The following ITM2A variants were observed in gnomAD, a reference collection of about 807,000 sequenced individuals.
The protein encoded by ITM2A is integral membrane protein 2A, also known as BRICHOS domain containing 2A.
A neutral mutation model predicts 16.6 loss-of-function variants in ITM2A; 11 were observed. The ratio of observed to expected loss-of-function variants is 0.66; its 90% confidence interval spans 0.42 to 1.10. The LOEUF is 1.10. Ranked by LOEUF, ITM2A falls within the 50% of genes least tolerant of loss-of-function variation. The pLI, the probability that ITM2A is intolerant of heterozygous loss-of-function variation, is 0.00. For missense variants in ITM2A, 243 were observed against 206.8 expected (o/e 1.17, Z -1.07); for synonymous variants, 102 against 71.2 (o/e 1.43, Z -2.18).
chrX:79,362,616 G>T lies in ITM2A; in HGVS notation c.517C>A (p.Pro173Thr). The change falls in exon 4 of 6, where the codon CCA becomes ACA. Residue 173 changes from proline (P) to threonine (T), a missense_variant. Pro to Thr is a conservative substitution (Grantham distance 38, BLOSUM62 -1). Transcript: ENST00000373298. ...CCAAAGAGCTCTACCAGATTTTTTG[G>T]AGGCATAACAATAGAAGTATTGAGG... is the stretch of plus-strand genomic sequence containing the variant. Reference protein sequence around the residue: ...MPLNTSIVMPPKNLVELFGKL... With the variant: ...MPLNTSIVMPTKNLVELFGKL... 1.7e-6 allele frequency: 2 copies of T among 1,200,499 alleles called. No individual in the cohort carries two copies. The highest frequency in any genetic ancestry group is 2.2e-6 in the Non-Finnish European group (2 of 889,697).
Position 79,363,451 on chromosome X carries a change from G to C in ITM2A, c.215C>G (p.Ala72Gly), listed in dbSNP as rs35056863. Residue 72 changes from alanine to glycine, a missense_variant, in exon 2 of 6, where the codon GCC becomes GGC. By Grantham distance (60) the Ala-to-Gly change is moderately conservative (BLOSUM62 0). Transcript: ENST00000373298. ...FILAGLIVGG[A>G]CIYKYFMPKS... ...GGGCATGAAGTACTTGTAAATGCAG[G>C]CTCCACCAACAATAAGTCCTGCCAA... 2.6e-6 allele frequency: 3 copies of C among 1,167,926 alleles called. No individual in the cohort carries two copies. The highest frequency in any genetic ancestry group is 2.3e-5 in the Admixed American group (1 of 43,649).
At chrX:79,366,193 A>C in intron 1 of ITM2A, among the ~76,000 whole-genome samples, 1 of 111,713 alleles carries the variant, frequency 9.0e-6, no homozygotes, top group Non-Finnish European at 1.9e-5. Flanking sequence ...ATAGGACTAA[A>C]TAAATAATGG....
rs891679727 is a variant in ITM2A at position 79,360,947 on chromosome X, T to TG, written c.*141_*142insC. On this transcript the variant is annotated 3_prime_UTR_variant, in exon 6 of 6. Coordinates refer to ENST00000373298, the MANE Select transcript of ITM2A (RefSeq NM_004867.5). ...GACAAGAGCTTGCAGTGGTTAGTAG[T>TG]TTTTTTTTTTCCTTTTTTTAAAGCA... 13 of 195,654 alleles carry TG rather than the reference T, an allele frequency of 6.6e-5. No homozygotes were observed. The East Asian group carries it at 7.3e-4, about 11-fold the overall frequency. The allele number at this position is 195,654 out of a possible 1,213,427, so 16.1% of individuals were successfully genotyped here.
intron 3 of ITM2A, 81 bp from the exon 4 acceptor site, chrX:79,362,772 G>C: frequency 1.3e-6 from 1 of 743,130 alleles, no homozygotes; most frequent in Admixed American, 3.0e-5. Context: ...TAGATTAAGC[G>C]GCTACATCCT....
At position 79,367,063 on chromosome X, in the gene ITM2A, T is replaced by G. The variant is rs1487764680; in HGVS notation, c.111+42A>C. ...TTTCTCCTCTGCTACCAGCCTTCTTTCTTTCGCCCACCCCTCCCCCATCCC... is the reference window on the plus strand; with the variant it reads ...TTTCTCCTCTGCTACCAGCCTTCTTGCTTTCGCCCACCCCTCCCCCATCCC... On this transcript the variant is annotated intron_variant, in intron 1 of 5. Transcript: ENST00000373298. The G allele has an allele frequency of 4.2e-6, 4 of 957,119 alleles. No homozygotes were observed. The African/African-American group carries it at 5.8e-5, about 14-fold the overall frequency. The allele number at this position is 957,119 out of a possible 1,213,427, so 78.9% of individuals were successfully genotyped here.
intron 1 of ITM2A, among the ~76,000 whole-genome samples, chrX:79,366,033 A>T (rs1925564306): frequency 8.9e-6 from 1 of 112,312 alleles, no homozygotes; most frequent in African/African-American, 3.2e-5. Context: ...TATATAGAGA[A>T]CAAGACAAGT....
intron 4 of ITM2A, among the ~76,000 whole-genome samples, chrX:79,362,013 A>G (rs1464905288): frequency 1.8e-5 from 2 of 110,307 alleles, no homozygotes; most frequent in Non-Finnish European, 3.8e-5. Context: ...ATGTGTCTTT[A>G]TAATAAAATT....
Position 79,361,073 on chromosome X carries a change from C to G in ITM2A, c.*16G>C. 9.5e-7 allele frequency: 1 copy of G among 1,050,687 alleles called. No homozygotes were observed. The highest frequency in any genetic ancestry group is 2.3e-5 in the Admixed American group (1 of 44,173). The allele number at this position is 1,050,687 out of a possible 1,213,427, so 86.6% of individuals were successfully genotyped here. ...CTCTGACTTCTTATTACCAAGGACACTCTATCTGTTGCCTCTTACTCTTGA... is the reference window on the plus strand; with the variant it reads ...CTCTGACTTCTTATTACCAAGGACAGTCTATCTGTTGCCTCTTACTCTTGA... On this transcript the variant is annotated 3_prime_UTR_variant, in exon 6 of 6. Transcript: ENST00000373298.
intron 1 of ITM2A, 55 bp from the exon 2 acceptor site, chrX:79,363,609 T>G (rs1427428889): frequency 4.3e-6 from 4 of 939,501 alleles, no homozygotes; most frequent in Non-Finnish European, 5.7e-6. Context: ...TTTAGACACA[T>G]AGTTGATTTT....
rs1925495201 is a variant in ITM2A at position 79,363,552 on chromosome X, C to T, written c.114G>A (p.Glu38=). Residue 38 remains glutamate (E), a splice_region_variant and synonymous_variant, in exon 2 of 6, where the codon GAG becomes GAA. Transcript: ENST00000373298. ...CTTTTTCCTGGGTGGCAACTCGGAG[C>T]TCCTATTTATTAAAAAGCAAAACCA... is the stretch of plus-strand genomic sequence containing the variant. ...TVRTQILTGK[E]LRVATQEKEG... 8.6e-7 allele frequency: 1 copy of T among 1,168,893 alleles called. No homozygotes were observed. Among genetic ancestry groups the T allele is most frequent in the African/African-American group, 1.8e-5 (1 of 55,628 alleles).
intron 5 of ITM2A, 75 bp downstream of exon 5, chrX:79,361,254 T>A: frequency 2.7e-6 from 3 of 1,130,194 alleles, no homozygotes; most frequent in South Asian, 3.9e-5. Context: ...TGTTCCCCAC[T>A]TTTTCCTGTA....
chrX:79,362,581 C>A lies in ITM2A; in HGVS notation c.552G>T (p.Ala184=). Residue 184 remains alanine, a splice_region_variant and synonymous_variant, in exon 4 of 6, where the codon GCG becomes GCT. Transcript: ENST00000373298. ...AAAATTTGACTTCCAAAATACATAC[C>A]GCCAGTTTGCCAAAGAGCTCTACCA... ...KNLVELFGKL[A]SGRYLPQTYV... 1 of 1,132,863 alleles carries A rather than the reference C, an allele frequency of 8.8e-7. No homozygotes were observed. Among genetic ancestry groups the A allele is most frequent in the Non-Finnish European group, 1.2e-6 (1 of 836,713 alleles). 93.4% of individuals were successfully genotyped at this position (1,132,863 alleles called of 1,213,427 possible).
At chrX:79,366,683 T>G (rs1925585127) in intron 1 of ITM2A, among the ~76,000 whole-genome samples, 1 of 111,370 alleles carries the variant, frequency 9.0e-6, no homozygotes, top group Non-Finnish European at 1.9e-5. Context: ...AAAGAAATGT[T>G]AAATCTCCCG....
intron 4 of ITM2A, 39 bp from the exon 5 acceptor site, chrX:79,361,518 T>C (rs746673339): frequency 1.7e-6 from 2 of 1,144,112 alleles, no homozygotes; most frequent in Non-Finnish European, 2.4e-6. Flanking sequence ...AGAAATTCTT[T>C]TTCCTTTTTA....
In ITM2A at chrX:79,366,556, C is replaced by T. The variant is rs151281331; in HGVS notation, c.111+549G>A. Among the ~76,000 whole-genome samples, 919 of 111,300 alleles carry T rather than the reference C, an allele frequency of 8.3e-3. 9 individuals carry two copies. The highest frequency in any genetic ancestry group is 0.028 in the African/African-American group (870 of 30,587). On this transcript the variant is annotated intron_variant, in intron 1 of 5. Coordinates refer to ENST00000373298, the MANE Select transcript of ITM2A (RefSeq NM_004867.5). The stretch of plus-strand genomic sequence containing the variant: ...TTCGCGCGCTCAAGCAGACCACTTG[C>T]CCCAACCCATACTGCTTGGAGTTAA...
At position 79,363,456 on chromosome X, in the gene ITM2A, A is replaced by T; in HGVS notation, c.210T>A (p.Gly70=). 1 of 1,173,579 alleles carries T rather than the reference A, an allele frequency of 8.5e-7. No homozygotes were observed. Among genetic ancestry groups the T allele is most frequent in the South Asian group, 1.9e-5 (1 of 51,368 alleles). The change falls in exon 2 of 6, where the codon GGT becomes GGA. Residue 70 remains glycine (G), a synonymous_variant. Transcript: ENST00000373298. The part of the protein sequence containing the change: ...LSFILAGLIV[G]GACIYKYFMP... Reference sequence around the variant, plus strand: ...TGAAGTACTTGTAAATGCAGGCTCCACCAACAATAAGTCCTGCCAAGATGA... The same window carrying T: ...TGAAGTACTTGTAAATGCAGGCTCCTCCAACAATAAGTCCTGCCAAGATGA...
chrX:79,362,832 G>C (rs1925469304), intron 3 of ITM2A, 110 bp downstream of exon 3: 6 of 699,500 alleles, frequency 8.6e-6, no homozygotes, highest in Non-Finnish European at 1.3e-5. Flanking sequence ...AAAAGGCTTT[G>C]CCTCAAAAAC....
rs1569315897 is a variant in ITM2A, at chrX:79,361,107, G to T, written c.774C>A (p.Thr258=). ...TTGCCTCTTACTCTTGACAGATCTT[G>T]GTCTCAACAATAAATTCGTTGGGGA... ...RHFPNEFIVE[T]KICQE is the part of the protein sequence containing the mutation. The change falls in exon 6 of 6, where the codon ACC becomes ACA. Residue 258 remains threonine (T), a synonymous_variant. Coordinates refer to ENST00000373298, the MANE Select transcript of ITM2A (RefSeq NM_004867.5). 4 of 1,189,098 alleles carry T rather than the reference G, an allele frequency of 3.4e-6. No homozygotes were observed. Among genetic ancestry groups the T allele is most frequent in the Middle Eastern group, 2.3e-4 (1 of 4,301 alleles).
rs1440349845 is a variant in ITM2A, at chrX:79,361,464, G to A, written c.568C>T (p.Pro190Ser). Residue 190 changes from proline to serine, a missense_variant, in exon 5 of 6, where the codon CCT (proline) becomes TCT (serine). By Grantham distance (74) the Pro-to-Ser change is moderately conservative. Transcript: ENST00000373298. ...FGKLASGRYLPQTYVVREDLV... is the reference protein window; with the variant it reads ...FGKLASGRYLSQTYVVREDLV... ...TCTTCTCGAACCACATAAGTTTGAG[G>A]CAGATATCTGCCACTCTAAAAATCA... 1 of 1,198,152 alleles carries A rather than the reference G, an allele frequency of 8.3e-7. No individual in the cohort carries two copies. The highest frequency in any genetic ancestry group is 1.8e-5 in the South Asian group (1 of 54,586).
Sources: gnomAD v4.1 joint callset for allele counts (sites outside exome capture counted in the v4.1 genomes callset) on GRCh38, gnomAD v4.1.1 for gene constraint, MANE v1.5 for transcripts, NCBI Gene and HGNC (gene_info 2026-07-23, HGNC 2026-07-21) for gene names.